Variants in ADGRF1 observed in about 807,000 individuals in gnomAD.
ADGRF1 encodes the protein G protein-coupled receptor 110.
ADGRF1 carries 85 observed loss-of-function variants against 87.2 expected under a neutral mutation model. That is an observed-to-expected ratio of 0.97 (90% CI 0.82 to 1.17). The LOEUF is 1.17. Among genes scored for constraint, ADGRF1 ranks in the 50% most tolerant of loss-of-function variants. ADGRF1 has a pLI of 0.00. For synonymous variants in ADGRF1, 430 were observed against 408.8 expected (o/e 1.05, Z -0.63); for missense variants, 1,169 against 1,077.2 (o/e 1.09, Z -1.19).
Position 46,999,955 on chromosome 6 carries a change from T to C in ADGRF1, c.*267A>G. 2 of 364,526 alleles carry C rather than the reference T, an allele frequency of 5.5e-6. No homozygotes were observed. The highest frequency in any genetic ancestry group is 4.1e-5 in the Admixed American group (1 of 24,222). 22.6% of individuals were successfully genotyped at this position (364,526 alleles called of 1,614,324 possible). ...TAGAAACCATATTTTATGGTCAGGG[T>C]ACAACTGACACGATTTCCAACAAAA... On this transcript the variant is annotated 3_prime_UTR_variant, in exon 15 of 15. Coordinates refer to ENST00000371253, the MANE Select transcript of ADGRF1 (RefSeq NM_153840.4).
chr6:47,018,730 G>T, intron 7 of ADGRF1: 1 of 319,702 alleles, frequency 3.1e-6, no homozygotes. Context: ...TGGTCAACAT[G>T]GTGAAACCCT....
At chr6:47,028,776 C>A (rs542190810) in intron 2 of ADGRF1, among the ~76,000 whole-genome samples, 22 of 152,162 alleles carry the variant, frequency 1.4e-4, no homozygotes, top group Admixed American at 1.1e-3. Context: ...CCTCCTTTTG[C>A]AGTTTGATCA....
Position 46,999,442 on chromosome 6 carries a change from A to T in ADGRF1, c.*780T>A, listed in dbSNP as rs1779300265. On this transcript the variant is annotated 3_prime_UTR_variant, in exon 15 of 15. Coordinates refer to ENST00000371253, the MANE Select transcript of ADGRF1 (RefSeq NM_153840.4). The stretch of plus-strand genomic sequence containing the variant: ...GGAGACAAATGTCCTAAAAATCCCC[A>T]ATTTCCCTTAACTGGCTTCACAATC... The T allele has an allele frequency of 1.3e-5, 2 of 151,938 alleles. No homozygotes were observed. The highest frequency in any genetic ancestry group is 4.1e-4 in the South Asian group (2 of 4,826). The allele number at this position is 151,938 out of a possible 1,614,324, so 9.4% of individuals were successfully genotyped here. A position where few individuals can be genotyped will look rare whatever the true frequency, so the allele number is the denominator to read the frequency against.
chr6:47,009,704 GA>G lies in ADGRF1; in HGVS notation c.1730del (p.Val577AlafsTer9). 7 of 1,614,156 alleles carry G rather than the reference GA, an allele frequency of 4.3e-6. No homozygotes were observed. Among genetic ancestry groups the G allele is most frequent in the Non-Finnish European group, 5.9e-6 (7 of 1,180,022 alleles). ...TTACAACGGGGAAGATTGTAGAGGG[GA>G]CAAAAGGTGACATCAATATGGAGAA... ...TSFSILMSPF[V>X]PSTIFPVVKW... On this transcript the variant is annotated frameshift_variant, in exon 11 of 15. Transcript: ENST00000371253. LOFTEE classifies it high-confidence loss of function.
intron 7 of ADGRF1, chr6:47,020,186 A>G: frequency 1.7e-6 from 2 of 1,180,620 alleles, no homozygotes; most frequent in South Asian, 4.1e-5. Context: ...CAGTTTTGAG[A>G]ATGCTTTCCA....
At chr6:47,023,344 C>T (rs1442287011) in intron 5 of ADGRF1, among the ~76,000 whole-genome samples, 1 of 152,116 alleles carries the variant, frequency 6.6e-6, no homozygotes, top group East Asian at 1.9e-4. Context: ...GCCAGTATTC[C>T]CAATTAAGCT....
intron 7 of ADGRF1, chr6:47,018,655 T>C (rs953135408): frequency 9.6e-6 from 12 of 1,249,048 alleles, no homozygotes; most frequent in South Asian, 2.5e-5. Flanking sequence ...CTCATGCCTG[T>C]AATCCCAGCA....
chr6:47,016,183 A>G (rs1009311604), intron 8 of ADGRF1, among the ~76,000 whole-genome samples: 3 of 152,184 alleles, frequency 2.0e-5, no homozygotes, highest in Non-Finnish European at 4.4e-5. Flanking sequence ...TGAATGTAAA[A>G]GAAAAAGATA....
chr6:47,037,196 T>C (rs376015662), intron 1 of ADGRF1, among the ~76,000 whole-genome samples: 1 of 152,214 alleles, frequency 6.6e-6, no homozygotes, highest in East Asian at 1.9e-4. Flanking sequence ...TGCCTTATTG[T>C]TTTAATTTTC....
rs758292658 is a variant in ADGRF1, at chr6:47,009,900, T to A, written c.1535A>T (p.Asn512Ile). Residue 512 changes from asparagine to isoleucine, a missense_variant, in exon 11 of 15, where the codon AAC becomes ATC. Coordinates refer to ENST00000371253, the MANE Select transcript of ADGRF1 (RefSeq NM_153840.4). ...TAGGAAAACTTCATTTATGGAATAG[T>A]TTTGAATAACCGTGGATATCACAGG... ...NGPVISTVIQ[N>I]YSINEVFLFF... The A allele has an allele frequency of 1.9e-6, 3 of 1,614,116 alleles. No individual in the cohort carries two copies. Among genetic ancestry groups the A allele is most frequent in the Admixed American group, 1.7e-5 (1 of 60,020 alleles).
chr6:47,038,304 T>C (rs773040770), intron 1 of ADGRF1, among the ~76,000 whole-genome samples: 2 of 152,260 alleles, frequency 1.3e-5, no homozygotes, highest in Admixed American at 6.5e-5. Flanking sequence ...TAAGTAAATA[T>C]TCAATCCTGC....
rs1332449442 is a variant in ADGRF1 at position 47,005,930 on chromosome 6, C to A, written c.2533-54G>T. On this transcript the variant is annotated intron_variant, in intron 12 of 14. Transcript: ENST00000371253. ...AGATACACATACAATCATACACAGA[C>A]AAATCAAGAACAACTGCAGGTTGAA... 3.3e-6 allele frequency: 4 copies of A among 1,198,042 alleles called. No individual in the cohort carries two copies. In the Admixed American group the frequency reaches 6.2e-5, roughly 18 times the overall value. 74.2% of individuals were successfully genotyped at this position (1,198,042 alleles called of 1,614,324 possible). A position where few individuals can be genotyped will look rare whatever the true frequency, so the allele number is the denominator to read the frequency against.
At position 47,016,668 on chromosome 6, in the gene ADGRF1, G is replaced by A. The variant is rs1363618950; in HGVS notation, c.712C>T (p.Leu238Phe). Residue 238 changes from leucine to phenylalanine, a missense_variant, in exon 8 of 15, where the codon CTT (leucine) becomes TTT (phenylalanine). Transcript: ENST00000371253. ...TCTTCTAATGGAAACAGCTTGTGAA[G>A]GGCTGTCTTAGCCTTCTCGGCAACA... ...EHVAEKAKTA[L>F]HKLFPLEDGS... is the part of the protein sequence containing the mutation. 6.2e-7 allele frequency: 1 copy of A among 1,611,412 alleles called. No individual in the cohort carries two copies. The highest frequency in any genetic ancestry group is 2.2e-5 in the East Asian group (1 of 44,840).
Position 47,009,933 on chromosome 6 carries a change from A to G in ADGRF1, c.1502T>C (p.Val501Ala). The change falls in exon 11 of 15, where the codon GTC (valine) becomes GCC (alanine). Residue 501 changes from valine to alanine, a missense_variant. Coordinates refer to ENST00000371253, the MANE Select transcript of ADGRF1 (RefSeq NM_153840.4). ...AACCGTGGATATCACAGGTCCATTG[A>G]CCTGAGCATTTCCATTTTTGGAAAC... ...LPVSKNGNAQ[V>A]NGPVISTVIQ... is the part of the protein sequence containing the mutation. The G allele has an allele frequency of 6.2e-7, 1 of 1,614,146 alleles. No homozygotes were observed.
intron 13 of ADGRF1, among the ~76,000 whole-genome samples, chr6:47,003,256 C>A (rs549441739): frequency 2.0e-5 from 3 of 152,216 alleles, no homozygotes; most frequent in East Asian, 1.9e-4. Flanking sequence ...CAATAAGATA[C>A]CAAATTCCAA....
chr6:47,011,013 T>A (rs1281126625), intron 10 of ADGRF1, among the ~76,000 whole-genome samples: 1 of 152,218 alleles, frequency 6.6e-6, no homozygotes, highest in Admixed American at 6.5e-5. Flanking sequence ...TCACTCCACC[T>A]GAGTCTTACT....
intron 13 of ADGRF1, among the ~76,000 whole-genome samples, chr6:47,003,866 T>A (rs1304472873): frequency 6.6e-6 from 1 of 152,192 alleles, no homozygotes; most frequent in Non-Finnish European, 1.5e-5. Context: ...AACTTCTAAA[T>A]TGATTGAGAC....
intron 8 of ADGRF1, among the ~76,000 whole-genome samples, chr6:47,016,196 T>C (rs138289386): frequency 6.6e-6 from 1 of 151,944 alleles, no homozygotes; most frequent in Non-Finnish European, 1.5e-5. Context: ...AAAAGATAAA[T>C]ATCTGAAGAA....
At chr6:47,022,164 A>C in intron 5 of ADGRF1, 106 bp from the exon 6 acceptor site, 1 of 650,960 alleles carries the variant, frequency 1.5e-6, no homozygotes. Flanking sequence ...TTCAACAGTG[A>C]TGTTTCAAAT....
Sources: allele counts gnomAD v4.1 joint callset (sites outside exome capture counted in the v4.1 genomes callset), GRCh38; gene constraint gnomAD v4.1.1; transcripts MANE v1.5; gene names NCBI Gene and HGNC (gene_info 2026-07-23, HGNC 2026-07-21).